The following WDR72 variants were observed in gnomAD, a reference collection of about 807,000 sequenced individuals.
WDR72 encodes the protein WD repeat domain 72.
A neutral mutation model predicts 124.2 loss-of-function variants in WDR72; 120 were observed. The observed-to-expected ratio is 0.97, with a 90% CI of 0.83 to 1.12. WDR72 has a LOEUF of 1.12. Ranked by LOEUF, WDR72 falls within the 50% of genes most tolerant of loss-of-function variation. The pLI is 0.00. For missense variants in WDR72, 1,387 were observed against 1,278.8 expected (o/e 1.08, Z -1.29); for synonymous variants, 452 against 441.7 (o/e 1.02, Z -0.29).
At chr15:53,588,512 T>C (rs887513311) in intron 18 of WDR72, among the ~76,000 whole-genome samples, 13 of 152,038 alleles carry the variant, frequency 8.6e-5, no homozygotes, top group Middle Eastern at 3.4e-3. Flanking sequence ...AGGCTGAAAA[T>C]TGGGCAGATA....
At chr15:53,654,222 A>AGAGGGCTGC (rs2015337943) in intron 14 of WDR72, among the ~76,000 whole-genome samples, 1 of 152,186 alleles carries the variant, frequency 6.6e-6, no homozygotes, top group Non-Finnish European at 1.5e-5. Flanking sequence ...GGTAACCACA[A>AGAGGGCTGC]GAGGGCTGCA....
chr15:53,699,987 G>C (rs776703959), intron 12 of WDR72, 42 bp from the exon 13 acceptor site: 8 of 1,610,986 alleles, frequency 5.0e-6, no homozygotes, highest in African/African-American at 4.0e-5. Context: ...ATAGTCAAAT[G>C]CTTTCTTTAT....
chr15:53,530,411 C>T (rs910714293), intron 18 of WDR72, among the ~76,000 whole-genome samples: 7 of 151,712 alleles, frequency 4.6e-5, no homozygotes, highest in African/African-American at 7.3e-5. Flanking sequence ...GAAACTAATT[C>T]GCACTCTTTA....
intron 14 of WDR72, among the ~76,000 whole-genome samples, chr15:53,664,900 T>C (rs1567013422): frequency 6.6e-6 from 1 of 152,176 alleles, no homozygotes; most frequent in Non-Finnish European, 1.5e-5. Context: ...ACATTTGATA[T>C]GTACATATAA....
At chr15:53,732,408 T>C (rs577536341) in intron 2 of WDR72, among the ~76,000 whole-genome samples, 6 of 152,138 alleles carry the variant, frequency 3.9e-5, no homozygotes, top group Non-Finnish European at 7.4e-5. Context: ...ACGTTAAATG[T>C]TTATGACTTG....
chr15:53,754,005 C>G lies in WDR72; in HGVS notation c.-13+5628G>C, dbSNP rs116112112. ...AAGTGAGAATTCATAATGATGACAT[C>G]ATCATCTGTTTACAGTTCCACACAG... On this transcript the variant is annotated intron_variant, in intron 1 of 19. Coordinates refer to ENST00000360509, the MANE Select transcript of WDR72 (RefSeq NM_182758.4). 5.4e-3 allele frequency among the ~76,000 whole-genome samples: 818 copies of G among 152,228 alleles called. 6 individuals carry two copies. The highest frequency in any genetic ancestry group is 0.019 in the African/African-American group (774 of 41,532).
At chr15:53,676,394 T>A (rs187196584) in intron 13 of WDR72, among the ~76,000 whole-genome samples, 118 of 152,342 alleles carry the variant, frequency 7.7e-4, no homozygotes, top group African/African-American at 2.6e-3. Context: ...CAGGCCTAAT[T>A]TGATGAGCGC....
At chr15:53,702,583 T>A (rs1567037383) in intron 11 of WDR72, among the ~76,000 whole-genome samples, 1 of 152,138 alleles carries the variant, frequency 6.6e-6, no homozygotes, top group African/African-American at 2.4e-5. Flanking sequence ...CAAAGTCTAT[T>A]AATTCTAGGC....
intron 2 of WDR72, among the ~76,000 whole-genome samples, chr15:53,723,642 C>G (rs2017939659): frequency 6.6e-6 from 1 of 152,160 alleles, no homozygotes; most frequent in East Asian, 1.9e-4. Flanking sequence ...CTGCCCCACA[C>G]CCCATGCCCC....
intron 18 of WDR72, among the ~76,000 whole-genome samples, chr15:53,532,350 A>C (rs1390343405): frequency 6.6e-6 from 1 of 152,146 alleles, no homozygotes; most frequent in Non-Finnish European, 1.5e-5. Flanking sequence ...TCCCATGTTT[A>C]TTGTAGCACT....
At position 53,703,018 on chromosome 15, in the gene WDR72, A is replaced by T. The variant is rs572029310; in HGVS notation, c.1349-664T>A. Among the ~76,000 whole-genome samples, 38 of 151,720 alleles carry T rather than the reference A, an allele frequency of 2.5e-4. No individual in the cohort carries two copies. The South Asian group carries it at 7.7e-3, about 31-fold the overall frequency. On this transcript the variant is annotated intron_variant, in intron 11 of 19. Coordinates refer to ENST00000360509, the MANE Select transcript of WDR72 (RefSeq NM_182758.4). ...TCCTCAAGTTCCCTGGGCTCGGATG[A>T]TCCTTCCACCTCAGCCTCCCTAGTA...
At chr15:53,753,882 A>C (rs569582144) in intron 1 of WDR72, among the ~76,000 whole-genome samples, 2 of 152,284 alleles carry the variant, frequency 1.3e-5, no homozygotes, top group African/African-American at 4.8e-5. Flanking sequence ...AAAGAAGGCT[A>C]GGTAAATCTA....
At chr15:53,658,532 C>G (rs532546357) in intron 14 of WDR72, among the ~76,000 whole-genome samples, 14 of 152,278 alleles carry the variant, frequency 9.2e-5, no homozygotes, top group African/African-American at 3.1e-4. Context: ...CCACAAAGAA[C>G]TCTGCCATCT....
chr15:53,570,709 C>T (rs773516274), intron 18 of WDR72, among the ~76,000 whole-genome samples: 2 of 151,896 alleles, frequency 1.3e-5, no homozygotes, highest in Non-Finnish European at 2.9e-5. Flanking sequence ...AATTATCATT[C>T]GATCCATCAA....
intron 18 of WDR72, among the ~76,000 whole-genome samples, chr15:53,563,245 T>C (rs1295854837): frequency 6.6e-6 from 1 of 151,792 alleles, no homozygotes; most frequent in Non-Finnish European, 1.5e-5. Context: ...TAGAACTTTA[T>C]GATTTAAAGT....
chr15:53,589,567 G>A (rs892362592), intron 18 of WDR72, among the ~76,000 whole-genome samples: 5 of 149,780 alleles, frequency 3.3e-5, no homozygotes, highest in African/African-American at 4.8e-5. Context: ...TCTCAGCTTC[G>A]GAAACAATAG....
At chr15:53,753,685 AT>A (rs1458617244) in intron 1 of WDR72, among the ~76,000 whole-genome samples, 1 of 152,084 alleles carries the variant, frequency 6.6e-6, no homozygotes, top group Non-Finnish European at 1.5e-5. Flanking sequence ...ACTTTCCCTT[AT>A]TCCTAAACAC....
At chr15:53,732,154 C>T (rs529099830) in intron 2 of WDR72, among the ~76,000 whole-genome samples, 2 of 152,276 alleles carry the variant, frequency 1.3e-5, no homozygotes, top group East Asian at 3.9e-4. Flanking sequence ...GTCTGCAATG[C>T]AGTTCTTGGC....
intron 13 of WDR72, among the ~76,000 whole-genome samples, chr15:53,692,797 G>T (rs1052356383): frequency 6.6e-6 from 1 of 152,078 alleles, no homozygotes; most frequent in Non-Finnish European, 1.5e-5. Flanking sequence ...TCAAAAAATG[G>T]TCAGTAAACT....
Sources: gnomAD v4.1 joint callset for allele counts (sites outside exome capture counted in the v4.1 genomes callset) on GRCh38, gnomAD v4.1.1 for gene constraint, MANE v1.5 for transcripts, NCBI Gene and HGNC (gene_info 2026-07-23, HGNC 2026-07-21) for gene names.